RASAL2: variants seen among roughly 807,000 people sequenced by gnomAD.
RASAL2 encodes ras GTPase-activating protein nGAP.
In RASAL2, 58 loss-of-function variants were observed where a neutral mutation model predicts 128.9. The observed-to-expected ratio is 0.45, with a 90% confidence interval of 0.36 to 0.56. RASAL2 has a LOEUF of 0.56. Among genes scored for constraint, RASAL2 ranks in the 20% least tolerant of loss-of-function variants. The pLI is 0.00. For synonymous variants in RASAL2, 561 were observed against 580.8 expected (o/e 0.97, Z 0.49); for missense variants, 1,360 against 1,601.6 (o/e 0.85, Z 2.57).
At chr1:178,143,564 G>A (rs944408971) in intron 1 of RASAL2, among the ~76,000 whole-genome samples, 7 of 151,994 alleles carry the variant, frequency 4.6e-5, no homozygotes, top group African/African-American at 1.7e-4. Context: ...ATAATTGATA[G>A]AATATGTTAA....
chr1:178,400,331 C>T (rs1297931343), intron 4 of RASAL2, among the ~76,000 whole-genome samples: 2 of 152,174 alleles, frequency 1.3e-5, no homozygotes, highest in African/African-American at 4.8e-5. Flanking sequence ...CACATTTCTG[C>T]CCAGGAAGTC....
chr1:178,158,909 T>C (rs1230573769), intron 1 of RASAL2, among the ~76,000 whole-genome samples: 2 of 152,196 alleles, frequency 1.3e-5, no homozygotes, highest in Non-Finnish European at 2.9e-5. Context: ...ACAAACATAC[T>C]TTATGCAAAT....
At chr1:178,166,193 A>T (rs1045244322) in intron 1 of RASAL2, among the ~76,000 whole-genome samples, 55 of 152,176 alleles carry the variant, frequency 3.6e-4, no homozygotes, top group African/African-American at 1.1e-3. Flanking sequence ...TTTGTGGTCA[A>T]TCTCACTGTT....
chr1:178,414,742 TTC>T (rs889565130), intron 4 of RASAL2, among the ~76,000 whole-genome samples: 3 of 152,198 alleles, frequency 2.0e-5, no homozygotes, highest in Non-Finnish European at 4.4e-5. Flanking sequence ...GGCCTGGTGC[TTC>T]TGTTTTGTAA....
chr1:178,449,068 T>G (rs374265557), intron 9 of RASAL2, among the ~76,000 whole-genome samples: 73 of 152,178 alleles, frequency 4.8e-4, no homozygotes, highest in African/African-American at 1.7e-3. Flanking sequence ...TTTGCTATAT[T>G]TCATATACTT....
At chr1:178,265,623 T>C (rs1665911760) in intron 1 of RASAL2, among the ~76,000 whole-genome samples, 1 of 152,218 alleles carries the variant, frequency 6.6e-6, no homozygotes, top group African/African-American at 2.4e-5. Flanking sequence ...CAAGTAAACT[T>C]TTTATGAAAG....
chr1:178,102,294 A>T (rs956439161), intron 1 of RASAL2, among the ~76,000 whole-genome samples: 1 of 152,174 alleles, frequency 6.6e-6, no homozygotes, highest in Non-Finnish European at 1.5e-5. Context: ...TTGTAATTCT[A>T]CCTCTTAGAG....
At chr1:178,203,198 CTG>C (rs1372759223) in intron 1 of RASAL2, among the ~76,000 whole-genome samples, 1 of 152,204 alleles carries the variant, frequency 6.6e-6, no homozygotes, top group African/African-American at 2.4e-5. Context: ...GCCTTATCCA[CTG>C]TCATGGTATT....
chr1:178,453,276 T>A, intron 11 of RASAL2, among the ~76,000 whole-genome samples: 1 of 152,240 alleles, frequency 6.6e-6, no homozygotes, highest in African/African-American at 2.4e-5. Flanking sequence ...GAATAATGTT[T>A]TTAAAAGTTT....
intron 1 of RASAL2, chr1:178,122,955 T>C (rs1376943248): frequency 2.0e-5 from 3 of 152,282 alleles, no homozygotes; most frequent in East Asian, 1.9e-4. Context: ...AAGTATGGAA[T>C]AGTCTAGGGA....
chr1:178,184,614 C>CA (rs895159347), intron 1 of RASAL2, among the ~76,000 whole-genome samples: 1 of 151,952 alleles, frequency 6.6e-6, no homozygotes, highest in African/African-American at 2.4e-5. Context: ...TTCCTTTTGT[C>CA]AAAAACCAGT....
chr1:178,474,467 G>T lies in RASAL2; in HGVS notation c.*1228G>T, dbSNP rs1412311531. On this transcript the variant is annotated 3_prime_UTR_variant, in exon 18 of 18. Transcript: ENST00000367649. ...TAAAAGAAAAAGAAAATAATGGAAA[G>T]TGTCAGGATGGCACATTCCAGTTAT... 1 of 152,182 alleles carries T rather than the reference G, an allele frequency of 6.6e-6. No homozygotes were observed. The highest frequency in any genetic ancestry group is 2.4e-5 in the African/African-American group (1 of 41,442). The allele number at this position is 152,182 out of a possible 1,614,324, so 9.4% of individuals were successfully genotyped here.
intron 1 of RASAL2, among the ~76,000 whole-genome samples, chr1:178,120,144 G>A (rs575277072): frequency 7.0e-4 from 106 of 152,294 alleles, no homozygotes; most frequent in African/African-American, 2.5e-3. Flanking sequence ...TCCATGTGGC[G>A]AAGCAGTGTT....
At chr1:178,295,628 G>A (rs1189870530) in intron 2 of RASAL2, among the ~76,000 whole-genome samples, 1 of 152,100 alleles carries the variant, frequency 6.6e-6, no homozygotes, top group Non-Finnish European at 1.5e-5. Context: ...AGAATCAGTC[G>A]GAGGCTTGTT....
intron 3 of RASAL2, among the ~76,000 whole-genome samples, chr1:178,318,621 T>C (rs373391272): frequency 2.7e-5 from 4 of 150,044 alleles, no homozygotes; most frequent in Admixed American, 6.6e-5. Flanking sequence ...GCAACCCCTG[T>C]CTTTTTTTGT....
At chr1:178,467,287 A>C (rs1299640085) in intron 16 of RASAL2, 47 bp from the exon 17 acceptor site, 5 of 1,470,300 alleles carry the variant, frequency 3.4e-6, no homozygotes, top group Non-Finnish European at 4.8e-6. Flanking sequence ...TACACTAGCT[A>C]GCCCTTTCTT....
intron 1 of RASAL2, among the ~76,000 whole-genome samples, chr1:178,174,065 C>G (rs1046418968): frequency 6.6e-6 from 1 of 151,930 alleles, no homozygotes; most frequent in Non-Finnish European, 1.5e-5. Flanking sequence ...TTAGTTGATG[C>G]AGCCTCTTCC....
intron 1 of RASAL2, among the ~76,000 whole-genome samples, chr1:178,220,704 A>C (rs775647940): frequency 4.6e-5 from 7 of 152,222 alleles, no homozygotes; most frequent in Non-Finnish European, 8.8e-5. Context: ...TCTTTAACTT[A>C]GTAATATGTA....
At chr1:178,441,994 C>T (rs1164389173) in intron 7 of RASAL2, among the ~76,000 whole-genome samples, 4 of 151,674 alleles carry the variant, frequency 2.6e-5, no homozygotes, top group African/African-American at 7.3e-5. Flanking sequence ...CAGGAGCAAG[C>T]GAGAGAGAGA....
Sources: gnomAD v4.1 joint callset for allele counts (sites outside exome capture counted in the v4.1 genomes callset) on GRCh38, gnomAD v4.1.1 for gene constraint, MANE v1.5 for transcripts, NCBI Gene and HGNC (gene_info 2026-07-23, HGNC 2026-07-21) for gene names.